Variants in BCKDHB observed in about 807,000 individuals in gnomAD.
BCKDHB encodes the protein branched chain keto acid dehydrogenase E1 subunit beta, also known as 2-oxoisovalerate dehydrogenase subunit beta, mitochondrial.
BCKDHB carries 41 observed loss-of-function variants against 48.5 expected under a neutral mutation model. The ratio of observed to expected loss-of-function variants is 0.85; its 90% CI spans 0.66 to 1.10. The LOEUF (loss-of-function observed/expected upper bound fraction) is 1.10, where lower values mean the gene tolerates loss of function less well. Among genes scored for constraint, BCKDHB ranks in the 50% least tolerant of loss-of-function variants. The probability of loss-of-function intolerance (pLI) is 0.00; values close to 1 mark genes in which losing one functional copy is unlikely to be tolerated. For missense variants in BCKDHB, 496 were observed against 494.2 expected, an observed-to-expected ratio of 1.00 and a Z score of -0.03; for synonymous variants, 201 against 174.8, an observed-to-expected ratio of 1.15 and a Z score of -1.18.
At chr6:80,318,505 G>A (rs929947123) in intron 9 of BCKDHB, among the ~76,000 whole-genome samples, 4 of 151,834 alleles carry the variant, frequency 2.6e-5, no homozygotes, top group Non-Finnish European at 5.9e-5. Flanking sequence ...TGACCAATAC[G>A]GTGAAACCCC....
chr6:80,417,366 T>G, the BCKDHB span, among the ~76,000 whole-genome samples: 4 of 152,138 alleles, frequency 2.6e-5, no homozygotes. Flanking sequence ...GTATGATATG[T>G]GTGGATTTGA....
intron 8 of BCKDHB, among the ~76,000 whole-genome samples, chr6:80,211,928 CAG>C (rs1485715536): frequency 3.3e-5 from 5 of 152,014 alleles, no homozygotes; most frequent in Non-Finnish European, 7.4e-5. Flanking sequence ...GGGTGTAAAA[CAG>C]GGAGTAGATA....
intron 8 of BCKDHB, among the ~76,000 whole-genome samples, chr6:80,235,845 A>G (rs537646969): frequency 6.6e-6 from 1 of 152,314 alleles, no homozygotes; most frequent in South Asian, 2.1e-4. Flanking sequence ...AGCTTGACTG[A>G]GCAGTGAAAC....
intron 8 of BCKDHB, among the ~76,000 whole-genome samples, chr6:80,248,737 T>A (rs1168487985): frequency 6.6e-6 from 1 of 152,190 alleles, no homozygotes; most frequent in African/African-American, 2.4e-5. Flanking sequence ...AGAGAGGCTC[T>A]CACTCCAAGT....
the BCKDHB span, among the ~76,000 whole-genome samples, chr6:80,410,418 A>T: frequency 5.3e-5 from 8 of 152,086 alleles, no homozygotes; most frequent in African/African-American, 1.9e-4. Flanking sequence ...TCTGACGATT[A>T]TGTGTGTTCG....
At chr6:80,153,905 C>G (rs943361162) in intron 3 of BCKDHB, among the ~76,000 whole-genome samples, 8 of 152,198 alleles carry the variant, frequency 5.3e-5, no homozygotes, top group Non-Finnish European at 1.0e-4. Flanking sequence ...ACTGTAGTAA[C>G]TTGCTTATAT....
chr6:80,338,297 G>A (rs1456096791), intron 9 of BCKDHB, among the ~76,000 whole-genome samples: 1 of 152,132 alleles, frequency 6.6e-6, no homozygotes, highest in African/African-American at 2.4e-5. Context: ...TGTCTATTGG[G>A]CTTTTTTACT....
intron 9 of BCKDHB, among the ~76,000 whole-genome samples, chr6:80,276,719 A>G (rs1403028248): frequency 6.6e-6 from 1 of 151,764 alleles, no homozygotes; most frequent in Non-Finnish European, 1.5e-5. Context: ...CATTTTACAG[A>G]AATTTATTGT....
chr6:80,201,048 C>G lies in BCKDHB; in HGVS notation c.840+17C>G. On this transcript the variant is annotated intron_variant, in intron 7 of 9. Coordinates refer to ENST00000320393, the MANE Select transcript of BCKDHB (RefSeq NM_183050.4). ...GGCACTCAGGTGAGTAGCATTGATC[C>G]CAACTGTTAAAACCTACGTTGTGCT... 6.4e-7 allele frequency: 1 copy of G among 1,567,188 alleles called. No individual in the cohort carries two copies.
intron 8 of BCKDHB, among the ~76,000 whole-genome samples, chr6:80,245,639 G>A (rs1314837082): frequency 6.6e-6 from 1 of 152,110 alleles, no homozygotes; most frequent in Admixed American, 6.5e-5. Flanking sequence ...AAAGTGTAGT[G>A]CTCTGTGCTG....
intron 9 of BCKDHB, among the ~76,000 whole-genome samples, chr6:80,294,890 GC>G (rs1175807482): frequency 6.6e-6 from 1 of 151,806 alleles, no homozygotes; most frequent in African/African-American, 2.4e-5. Flanking sequence ...CAGTGGTTCT[GC>G]TTTTTCCTTT....
intron 9 of BCKDHB, among the ~76,000 whole-genome samples, chr6:80,323,933 C>T (rs1207215832): frequency 2.6e-5 from 4 of 152,100 alleles, no homozygotes; most frequent in Admixed American, 1.3e-4. Flanking sequence ...CCACTACGGC[C>T]GGCTAATTTT....
intron 5 of BCKDHB, chr6:80,169,957 A>G: frequency 7.1e-7 from 1 of 1,405,504 alleles, no homozygotes; most frequent in Non-Finnish European, 9.3e-7. Flanking sequence ...AATATTTATA[A>G]CATTATATTG....
At chr6:80,138,527 A>T (rs887686338) in intron 3 of BCKDHB, among the ~76,000 whole-genome samples, 11 of 151,900 alleles carry the variant, frequency 7.2e-5, no homozygotes, top group Admixed American at 2.6e-4. Context: ...CCCACCTATG[A>T]GTGAGAATAT....
chr6:80,138,980 T>C lies in BCKDHB; in HGVS notation c.343+9751T>C, dbSNP rs1177139513. ...CCAGCACCTGTTGTTTCCTGACTTTTTAATGATTGCCATTCTAACTGCTGT... is the reference window on the plus strand; with the variant it reads ...CCAGCACCTGTTGTTTCCTGACTTTCTAATGATTGCCATTCTAACTGCTGT... On this transcript the variant is annotated intron_variant, in intron 3 of 9. Coordinates refer to ENST00000320393, the MANE Select transcript of BCKDHB (RefSeq NM_183050.4). Among the ~76,000 whole-genome samples the C allele has an allele frequency of 2.0e-5, 3 of 152,222 alleles. No homozygotes were observed. In the South Asian group the frequency reaches 6.2e-4, roughly 31 times the overall value.
chr6:80,188,533 C>T (rs185500636), intron 6 of BCKDHB, among the ~76,000 whole-genome samples: 41 of 151,940 alleles, frequency 2.7e-4, no homozygotes, highest in Admixed American at 1.7e-3. Context: ...CAGATTCTTG[C>T]GAGGTTGAGA....
chr6:80,421,939 G>T, the BCKDHB span, among the ~76,000 whole-genome samples: 1 of 152,186 alleles, frequency 6.6e-6, no homozygotes, highest in Admixed American at 6.5e-5. Context: ...ATTTTCTTGG[G>T]AGAAATTGAA....
At chr6:80,372,691 C>T in the BCKDHB span, among the ~76,000 whole-genome samples, 12,374 of 152,088 alleles carry the variant, frequency 0.081, 548 homozygotes, top group South Asian at 0.15. Context: ...GCTTTTTCTA[C>T]CTCTATTGAG....
chr6:80,181,152 G>A (rs1490775822), intron 6 of BCKDHB, among the ~76,000 whole-genome samples: 1 of 151,954 alleles, frequency 6.6e-6, no homozygotes, highest in East Asian at 1.9e-4. Flanking sequence ...AAAACGAAGT[G>A]GACTAAGACA....
Sources: allele counts gnomAD v4.1 joint callset (sites outside exome capture counted in the v4.1 genomes callset), GRCh38; gene constraint gnomAD v4.1.1; transcripts MANE v1.5; gene names NCBI Gene and HGNC (gene_info 2026-07-23, HGNC 2026-07-21).